Variants in ATP10B observed in about 807,000 individuals in gnomAD.
ATP10B encodes phospholipid-transporting ATPase VB.
A neutral mutation model predicts 141.2 loss-of-function variants in ATP10B; 122 were observed. The observed-to-expected ratio is 0.86, with a 90% confidence interval of 0.75 to 1.00. ATP10B has a LOEUF of 1.00. ATP10B is among the 50% of genes least tolerant of loss of function. The pLI is 0.00. For synonymous variants in ATP10B, 685 were observed against 692.0 expected, an observed-to-expected ratio of 0.99 and a Z score of 0.16; for missense variants, 1,876 against 1,825.3, an observed-to-expected ratio of 1.03 and a Z score of -0.51.
intron 3 of ATP10B, among the ~76,000 whole-genome samples, chr5:160,715,620 C>T (rs560896868): frequency 2.6e-5 from 4 of 152,170 alleles, no homozygotes; most frequent in South Asian, 2.1e-4. Flanking sequence ...TGTTCCTATT[C>T]GGCCATCTTG....
intron 2 of ATP10B, among the ~76,000 whole-genome samples, chr5:160,727,356 T>G (rs78457235): frequency 0.091 from 13,881 of 152,224 alleles, 791 homozygotes; most frequent in Middle Eastern, 0.11. Context: ...TGGTACAGCC[T>G]ACACAGGCCT....
intron 9 of ATP10B, among the ~76,000 whole-genome samples, chr5:160,641,123 A>T (rs1759828096): frequency 6.6e-6 from 1 of 152,204 alleles, no homozygotes; most frequent in Admixed American, 6.5e-5. Context: ...TATACAGTAA[A>T]CAAAAGGCCA....
At position 160,753,321 on chromosome 5, in the gene ATP10B, C is replaced by T. The variant is rs1460123659; in HGVS notation, c.-331+32238G>A. Among the ~76,000 whole-genome samples the T allele has an allele frequency of 4.6e-5, 7 of 152,230 alleles. No individual in the cohort carries two copies. In the South Asian group the frequency reaches 1.0e-3, roughly 23 times the overall value. ...GCTCTAGTGTAGATGGCACTCTGCT[C>T]GTTTTGAATACCTTTTCTATAAGCA... On this transcript the variant is annotated intron_variant, in intron 2 of 25. Coordinates refer to ENST00000327245, the MANE Select transcript of ATP10B (RefSeq NM_025153.3).
At chr5:160,617,045 G>T (rs1217583138) in intron 16 of ATP10B, among the ~76,000 whole-genome samples, 1 of 152,188 alleles carries the variant, frequency 6.6e-6, no homozygotes, top group African/African-American at 2.4e-5. Context: ...GTACCCAGGT[G>T]GTTCTGGCTT....
chr5:160,814,650 C>T (rs1454182150), intron 1 of ATP10B, among the ~76,000 whole-genome samples: 1 of 152,022 alleles, frequency 6.6e-6, no homozygotes, highest in African/African-American at 2.4e-5. Flanking sequence ...CAAAGATACT[C>T]CACGAGAAGA....
intron 6 of ATP10B, among the ~76,000 whole-genome samples, chr5:160,676,490 T>C (rs1763036864): frequency 6.6e-6 from 1 of 152,324 alleles, no homozygotes; most frequent in Middle Eastern, 3.4e-3. Flanking sequence ...TATTTCCTAA[T>C]TGTCGTGTGC....
chr5:160,705,596 T>A lies in ATP10B; in HGVS notation c.-205+11313A>T, dbSNP rs75240425. On this transcript the variant is annotated intron_variant, in intron 3 of 25. Coordinates refer to ENST00000327245, the MANE Select transcript of ATP10B (RefSeq NM_025153.3). ...CTTCTGCAGCTTTCTCACCTCTCTCTGTCTTCATAAAATTGAAGAAAGTTA... is the reference window on the plus strand; with the variant it reads ...CTTCTGCAGCTTTCTCACCTCTCTCAGTCTTCATAAAATTGAAGAAAGTTA... 9.9e-3 allele frequency among the ~76,000 whole-genome samples: 1,514 copies of A among 152,290 alleles called. 26 individuals carry two copies. The highest frequency in any genetic ancestry group is 0.035 in the African/African-American group (1,449 of 41,560).
chr5:160,812,030 G>C (rs868295672), intron 1 of ATP10B, among the ~76,000 whole-genome samples: 64 of 126,864 alleles, frequency 5.0e-4, no homozygotes, highest in South Asian at 4.0e-3. Flanking sequence ...CAGAGAGAGA[G>C]AGAGAGAGAG....
the ATP10B span, among the ~76,000 whole-genome samples, chr5:160,912,504 C>A: frequency 6.7e-6 from 1 of 150,086 alleles, no homozygotes; most frequent in Non-Finnish European, 1.5e-5. Context: ...GAGGCTGACA[C>A]AGGACAATCA....
chr5:160,655,504 G>C (rs549388772), intron 7 of ATP10B, among the ~76,000 whole-genome samples: 2 of 152,230 alleles, frequency 1.3e-5, no homozygotes, highest in East Asian at 3.9e-4. Flanking sequence ...ACACCATAAA[G>C]ATGTGTTGAG....
At position 160,788,058 on chromosome 5, in the gene ATP10B, A is replaced by C. The variant is rs552530048; in HGVS notation, c.-575-2255T>G. Among the ~76,000 whole-genome samples, 18 of 152,188 alleles carry C rather than the reference A, an allele frequency of 1.2e-4. No individual in the cohort carries two copies. In the South Asian group the frequency reaches 3.5e-3, roughly 30 times the overall value. ...TAGAGGTCATACATTCACCTTCACC[A>C]CCTGTTTTATTTGTTACATTCCCCT... On this transcript the variant is annotated intron_variant, in intron 1 of 25. Coordinates refer to ENST00000327245, the MANE Select transcript of ATP10B (RefSeq NM_025153.3).
intron 7 of ATP10B, among the ~76,000 whole-genome samples, chr5:160,655,499 A>AT (rs1344501537): frequency 6.6e-6 from 1 of 152,172 alleles, no homozygotes; most frequent in African/African-American, 2.4e-5. Context: ...CAGGCACACC[A>AT]TAAAGATGTG....
Position 160,620,594 on chromosome 5 carries a change from A to C in ATP10B, c.2169T>G (p.Asp723Glu), listed in dbSNP as rs1010229876. The change falls in exon 15 of 26, where the codon GAT (aspartate) becomes GAG (glutamate). Residue 723 changes from aspartate (D) to glutamate (E), a missense_variant. Physicochemically the swap from Asp to Glu is conservative, Grantham distance 45. Transcript: ENST00000327245. ...PEFCYEAESPDEAALVHAAHA... is the reference protein window; with the variant it reads ...PEFCYEAESPEEAALVHAAHA... ...GGGCAGCGTGCACCAGGGCGGCCTCATCAGGGCTCTCAGCCTCGTAACAGA... is the reference window on the plus strand; with the variant it reads ...GGGCAGCGTGCACCAGGGCGGCCTCCTCAGGGCTCTCAGCCTCGTAACAGA... 3 of 1,613,772 alleles carry C rather than the reference A, an allele frequency of 1.9e-6. No individual in the cohort carries two copies. The highest frequency in any genetic ancestry group is 2.7e-5 in the African/African-American group (2 of 74,934).
chr5:160,785,111 A>C (rs1294063211), intron 2 of ATP10B, among the ~76,000 whole-genome samples: 3 of 152,208 alleles, frequency 2.0e-5, no homozygotes, highest in East Asian at 1.9e-4. Flanking sequence ...GAGACAACCC[A>C]CTGAAGAGGT....
chr5:160,730,520 A>G (rs1021610839), intron 2 of ATP10B, among the ~76,000 whole-genome samples: 1 of 152,078 alleles, frequency 6.6e-6, no homozygotes, highest in East Asian at 1.9e-4. Flanking sequence ...TACAGCTGCT[A>G]TATATGCTTA....
chr5:160,923,027 A>C, the ATP10B span, among the ~76,000 whole-genome samples: 1 of 152,252 alleles, frequency 6.6e-6, no homozygotes, highest in Non-Finnish European at 1.5e-5. Context: ...ATTAGTAAAG[A>C]AAAAAGTTTA....
At chr5:160,661,690 C>G (rs991924074) in intron 7 of ATP10B, among the ~76,000 whole-genome samples, 1 of 152,150 alleles carries the variant, frequency 6.6e-6, no homozygotes. Context: ...CAGCCAATAT[C>G]ATACTGAATG....
intron 2 of ATP10B, among the ~76,000 whole-genome samples, chr5:160,781,138 G>A (rs1369696437): frequency 6.6e-6 from 1 of 152,142 alleles, no homozygotes; most frequent in African/African-American, 2.4e-5. Context: ...AAGAAATCCA[G>A]GTGAATGACC....
chr5:160,598,143 T>C (rs369342673), intron 22 of ATP10B, among the ~76,000 whole-genome samples: 2,369 of 150,580 alleles, frequency 0.016, 32 homozygotes, highest in Middle Eastern at 0.075. Flanking sequence ...AACCCAAATG[T>C]CCAACAATGA....
Sources: allele counts gnomAD v4.1 joint callset (sites outside exome capture counted in the v4.1 genomes callset), GRCh38; gene constraint gnomAD v4.1.1; transcripts MANE v1.5; gene names NCBI Gene and HGNC (gene_info 2026-07-23, HGNC 2026-07-21).